The following SYTL4 variants were observed in gnomAD, a reference collection of about 807,000 sequenced individuals.
SYTL4 encodes the protein synaptotagmin-like protein 4.
In SYTL4, 16 loss-of-function variants were observed where a neutral mutation model predicts 52.7. The observed-to-expected ratio is 0.30, with a 90% CI of 0.21 to 0.46. The LOEUF is 0.46. Ranked by LOEUF, SYTL4 falls within the 20% of genes least tolerant of loss-of-function variation. The pLI is 1.00. For missense variants in SYTL4, 423 were observed against 519.9 expected (o/e 0.81, Z 1.81); for synonymous variants, 160 against 186.6 (o/e 0.86, Z 1.16).
intron 9 of SYTL4, 34 bp from the exon 10 acceptor site, chrX:100,690,672 C>T (rs2083578339): frequency 9.5e-7 from 1 of 1,057,973 alleles, no homozygotes; most frequent in Non-Finnish European, 1.3e-6. Flanking sequence ...AACTAAGTCA[C>T]CTCCTACCCT....
intron 2 of SYTL4, among the ~76,000 whole-genome samples, chrX:100,712,632 T>G (rs749055130): frequency 6.2e-5 from 7 of 112,465 alleles, no homozygotes; most frequent in African/African-American, 2.3e-4. Context: ...TAAATTAGGC[T>G]TCATCAAAAT....
At chrX:100,698,285 A>G (rs904771646) in intron 8 of SYTL4, among the ~76,000 whole-genome samples, 3 of 110,254 alleles carry the variant, frequency 2.7e-5, no homozygotes, top group African/African-American at 9.9e-5. Flanking sequence ...TTGTATTTTT[A>G]TTAGAGACGG....
In SYTL4 at chrX:100,700,887, T is replaced by G; in HGVS notation, c.539+10A>C. 1 of 1,177,051 alleles carries G rather than the reference T, an allele frequency of 8.5e-7. No individual in the cohort carries two copies. The highest frequency in any genetic ancestry group is 1.2e-6 in the Non-Finnish European group (1 of 865,164). On this transcript the variant is annotated intron_variant, in intron 8 of 19. Coordinates refer to ENST00000372989, the MANE Select transcript of SYTL4 (RefSeq NM_001370165.1). ...GTAAGCATTTCTTTAAACAATTACT[T>G]GATTCTTACCTGGGCTCCTTCTGCC...
intron 8 of SYTL4, among the ~76,000 whole-genome samples, chrX:100,698,165 C>T (rs969050843): frequency 3.6e-5 from 4 of 110,678 alleles, no homozygotes; most frequent in Non-Finnish European, 7.5e-5. Flanking sequence ...TGCAGTGGAG[C>T]AATCTTGGCT....
chrX:100,700,775 G>T, intron 8 of SYTL4, 122 bp downstream of exon 8: 1 of 554,161 alleles, frequency 1.8e-6, no homozygotes, highest in Non-Finnish European at 3.0e-6. Context: ...ACTATTTTCT[G>T]TACTTTTCAA....
chrX:100,677,847 A>G (rs1455722722), intron 19 of SYTL4, among the ~76,000 whole-genome samples: 1 of 112,067 alleles, frequency 8.9e-6, no homozygotes, highest in African/African-American at 3.2e-5. Context: ...TGAGAAGTGG[A>G]GACAATTCTT....
intron 2 of SYTL4, among the ~76,000 whole-genome samples, chrX:100,723,616 C>G: frequency 9.1e-6 from 1 of 109,739 alleles, no homozygotes; most frequent in African/African-American, 3.3e-5. Flanking sequence ...TCATCCCGGC[C>G]GCCATCCCAT....
chrX:100,700,748 G>T, intron 8 of SYTL4, 149 bp downstream of exon 8: 1 of 467,902 alleles, frequency 2.1e-6, no homozygotes, highest in Non-Finnish European at 3.7e-6. Flanking sequence ...GATTAGGAAT[G>T]ATTTTTTCCC....
chrX:100,686,592 G>T, intron 15 of SYTL4, 87 bp downstream of exon 15: 1 of 667,171 alleles, frequency 1.5e-6, no homozygotes. Context: ...TGAAGCCCGT[G>T]TCACCTGGTC....
chrX:100,701,020 T>C (rs755485489), intron 7 of SYTL4, 21 bp from the exon 8 acceptor site: 2 of 1,153,206 alleles, frequency 1.7e-6, no homozygotes, highest in Admixed American at 2.2e-5. Context: ...AAGAAAAGTA[T>C]GCCAGGGTGG....
chrX:100,721,292 A>T (rs1476793785), intron 2 of SYTL4, among the ~76,000 whole-genome samples: 3 of 111,733 alleles, frequency 2.7e-5, no homozygotes, highest in African/African-American at 9.8e-5. Context: ...GGACCTTCTT[A>T]GCCCCCATAT....
At chrX:100,722,239 T>C (rs995140664) in intron 2 of SYTL4, among the ~76,000 whole-genome samples, 3 of 82,131 alleles carry the variant, frequency 3.7e-5, no homozygotes, top group Admixed American at 1.5e-4. Flanking sequence ...TCCTGAGATC[T>C]ACTGGAGAAA....
intron 19 of SYTL4, 103 bp downstream of exon 19, chrX:100,678,288 A>G (rs2083314438): frequency 3.5e-6 from 2 of 568,072 alleles, no homozygotes; most frequent in East Asian, 7.1e-5. Flanking sequence ...AAAGAAGACA[A>G]CTGTCATCAC....
intron 16 of SYTL4, chrX:100,685,523 T>A (rs1381692602): frequency 8.8e-6 from 1 of 113,070 alleles, no homozygotes; most frequent in Non-Finnish European, 1.8e-5. Flanking sequence ...ACTGCTACAC[T>A]GTGGCCCGAG....
intron 14 of SYTL4, 137 bp downstream of exon 14, chrX:100,686,930 C>G: frequency 1.1e-6 from 1 of 881,055 alleles, no homozygotes; most frequent in Non-Finnish European, 1.6e-6. Flanking sequence ...CTTGCTTTTT[C>G]CCAATCCTGG....
chrX:100,687,293 C>A, intron 13 of SYTL4, 48 bp from the exon 14 acceptor site: 7 of 1,081,158 alleles, frequency 6.5e-6, no homozygotes, highest in Non-Finnish European at 8.9e-6. Flanking sequence ...CACTCCCCCG[C>A]CCGCATTGCT....
intron 8 of SYTL4, among the ~76,000 whole-genome samples, chrX:100,696,449 G>C (rs1378593025): frequency 1.8e-5 from 2 of 111,644 alleles, no homozygotes; most frequent in Admixed American, 9.5e-5. Context: ...TGGGTATGTA[G>C]TAGTATCTTA....
chrX:100,715,102 C>A (rs985391218), intron 2 of SYTL4, among the ~76,000 whole-genome samples: 7 of 111,846 alleles, frequency 6.3e-5, no homozygotes, highest in African/African-American at 2.3e-4. Flanking sequence ...CTCAGTGTAG[C>A]CTTGACCTCC....
intron 17 of SYTL4, among the ~76,000 whole-genome samples, chrX:100,679,914 T>A (rs1051313018): frequency 1.8e-5 from 2 of 111,909 alleles, no homozygotes; most frequent in African/African-American, 6.5e-5. Flanking sequence ...TCTAAATATA[T>A]ACTAATCTCA....
Sources: gnomAD v4.1 joint callset for allele counts (sites outside exome capture counted in the v4.1 genomes callset) on GRCh38, gnomAD v4.1.1 for gene constraint, MANE v1.5 for transcripts, NCBI Gene and HGNC (gene_info 2026-07-23, HGNC 2026-07-21) for gene names.